Variants in LRP2 observed in about 807,000 individuals in gnomAD.
LRP2 encodes low-density lipoprotein receptor-related protein 2.
A neutral mutation model predicts 531.0 loss-of-function variants in LRP2; 172 were observed. The ratio of observed to expected loss-of-function variants is 0.32; its 90% CI spans 0.29 to 0.37. LRP2 has a LOEUF of 0.37. LRP2 is among the 10% of genes least tolerant of loss of function. The pLI is 1.00. For synonymous variants in LRP2, 1,992 were observed against 2,027.6 expected, an observed-to-expected ratio of 0.98 and a Z score of 0.47; for missense variants, 5,167 against 5,868.3, an observed-to-expected ratio of 0.88 and a Z score of 3.90.
At chr2:169,133,056 A>G (rs996469042) in intron 76 of LRP2, among the ~76,000 whole-genome samples, 2 of 152,254 alleles carry the variant, frequency 1.3e-5, no homozygotes, top group Non-Finnish European at 2.9e-5. Flanking sequence ...CTAGAAGAAC[A>G]GCAAGAATAA....
intron 28 of LRP2, among the ~76,000 whole-genome samples, chr2:169,236,874 G>C (rs1689624547): frequency 6.6e-6 from 1 of 152,084 alleles, no homozygotes; most frequent in Non-Finnish European, 1.5e-5. Context: ...ATAAATCAAT[G>C]TGCTCTTAAA....
At chr2:169,353,781 A>G (rs2105580172) in intron 1 of LRP2, among the ~76,000 whole-genome samples, 1 of 152,320 alleles carries the variant, frequency 6.6e-6, no homozygotes, top group East Asian at 1.9e-4. Context: ...ACTTGAGCTC[A>G]GGGGTTTGAG....
At chr2:169,318,618 G>A in intron 3 of LRP2, 144 bp downstream of exon 3, 3 of 1,111,708 alleles carry the variant, frequency 2.7e-6, no homozygotes, top group Non-Finnish European at 4.0e-6. Context: ...ACCCCTGAAT[G>A]AGATTGCTGG....
chr2:169,201,197 A>C (rs1361383647), intron 44 of LRP2, among the ~76,000 whole-genome samples: 1 of 152,250 alleles, frequency 6.6e-6, no homozygotes, highest in African/African-American at 2.4e-5. Context: ...TGTGGCATAA[A>C]AGAGATTGAA....
In LRP2 at chr2:169,150,910, T is replaced by C; in HGVS notation, c.12578A>G (p.Asn4193Ser). 3.1e-6 allele frequency: 5 copies of C among 1,614,086 alleles called. No individual in the cohort carries two copies. The highest frequency in any genetic ancestry group is 4.2e-6 in the Non-Finnish European group (5 of 1,179,940). ...TCCAAGTACTTACCCTAGTTTGGGA[T>C]TCACAGCAATAGCAGCTGGTTGGTC... ...DLDQPAAIAV[N>S]PKLGLMFWTD... Residue 4193 changes from asparagine (N) to serine (S), a missense_variant, in exon 68 of 79, where the codon AAT (asparagine) becomes AGT (serine). Asn to Ser is a conservative substitution (Grantham distance 46). Coordinates refer to ENST00000649046, the MANE Select transcript of LRP2 (RefSeq NM_004525.3).
intron 18 of LRP2, 55 bp downstream of exon 18, chr2:169,257,069 T>C (rs1690332334): frequency 6.2e-7 from 1 of 1,605,864 alleles, no homozygotes; most frequent in Non-Finnish European, 8.5e-7. Flanking sequence ...CCTGCCTCAT[T>C]ATGTGTTCTG....
intron 1 of LRP2, among the ~76,000 whole-genome samples, chr2:169,347,137 C>T (rs1227992361): frequency 6.6e-6 from 1 of 152,208 alleles, no homozygotes; most frequent in Non-Finnish European, 1.5e-5. Context: ...GAACCTTGCT[C>T]TGACAAACAT....
chr2:169,157,379 G>C lies in LRP2; in HGVS notation c.12011C>G (p.Ser4004Cys). 6.2e-7 allele frequency: 1 copy of C among 1,613,208 alleles called. No homozygotes were observed. Among genetic ancestry groups the C allele is most frequent in the Non-Finnish European group, 8.5e-7 (1 of 1,179,450 alleles). The change falls in exon 64 of 79, where the codon TCC (serine) becomes TGC (cysteine). Residue 4004 changes from serine to cysteine, a missense_variant. Physicochemically the swap from Ser to Cys is moderately radical, Grantham distance 112 (BLOSUM62 -1). This residue lies in a region of LRP2 where 564 missense variants were observed against 747.7 expected (regional missense o/e 0.75). Transcript: ENST00000649046. ...GAAAAAATATACTCTACCTAGACAG[G>C]AGGTTCTGTCAAAAACATTGGTTTC... ...GFETNVFDRTSCLDINECEQF... is the reference protein window; with the variant it reads ...GFETNVFDRTCCLDINECEQF...
intron 4 of LRP2, among the ~76,000 whole-genome samples, chr2:169,299,125 A>T: frequency 9.6e-6 from 1 of 103,914 alleles, no homozygotes; most frequent in Non-Finnish European, 2.1e-5. Context: ...GAAAGAAAGA[A>T]AGAAAGAAAG....
chr2:169,211,411 G>A (rs975884649), intron 37 of LRP2, among the ~76,000 whole-genome samples: 3 of 152,172 alleles, frequency 2.0e-5, no homozygotes, highest in African/African-American at 7.2e-5. Context: ...ACAAAGTGCT[G>A]CAAAAATATG....
intron 1 of LRP2, among the ~76,000 whole-genome samples, chr2:169,338,243 G>A (rs1685459157): frequency 7.1e-6 from 1 of 140,086 alleles, no homozygotes; most frequent in African/African-American, 2.7e-5. Flanking sequence ...GGAAGGGAAG[G>A]GAAGGGAGAA....
chr2:169,273,557 C>T (rs369898929), intron 14 of LRP2, among the ~76,000 whole-genome samples: 2 of 152,276 alleles, frequency 1.3e-5, no homozygotes. Flanking sequence ...ACTTGCCCAA[C>T]ATTATTCAGC....
chr2:169,351,210 G>C (rs13003297), intron 1 of LRP2, among the ~76,000 whole-genome samples: 38,044 of 152,110 alleles, frequency 0.25, 5,405 homozygotes, highest in Non-Finnish European at 0.32. Context: ...CAACATGGAA[G>C]TCATGAGTGA....
chr2:169,206,960 A>G lies in LRP2; in HGVS notation c.6760T>C (p.Ser2254Pro). 1 of 1,614,242 alleles carries G rather than the reference A, an allele frequency of 6.2e-7. No homozygotes were observed. The highest frequency in any genetic ancestry group is 8.5e-7 in the Non-Finnish European group (1 of 1,180,048). The change falls in exon 39 of 79, where the codon TCT (serine) becomes CCT (proline). Residue 2254 changes from serine (S) to proline (P), a missense_variant. Ser to Pro is a moderately conservative substitution (Grantham distance 74, BLOSUM62 -1). Around this residue, in one of 6 missense-constraint regions of LRP2, gnomAD observed 2,811 missense variants for 3,058.0 expected, o/e 0.92. Coordinates refer to ENST00000649046, the MANE Select transcript of LRP2 (RefSeq NM_004525.3). ...CGAATCCTTGCAATTATATCTAAAG[A>G]ATCATCAACCCAATAAACGTAGCCA... Reference protein sequence around the residue: ...SDGYVYWVDDSLDIIARIRIN... With the variant: ...SDGYVYWVDDPLDIIARIRIN...
chr2:169,127,177 T>C lies in LRP2; in HGVS notation c.*1486A>G, dbSNP rs1176446905. The C allele has an allele frequency of 1.3e-5, 2 of 152,644 alleles. No individual in the cohort carries two copies. The highest frequency in any genetic ancestry group is 2.1e-4 in the South Asian group (1 of 4,830). The allele number at this position is 152,644 out of a possible 1,614,324, so 9.5% of individuals were successfully genotyped here. ...TTTCCAGTTGTTTATCTAATCAAAG[T>C]AATTACAGTCAGCACTCAAAATATC... On this transcript the variant is annotated 3_prime_UTR_variant, in exon 79 of 79. Coordinates refer to ENST00000649046, the MANE Select transcript of LRP2 (RefSeq NM_004525.3).
chr2:169,204,683 C>T (rs1368673166), intron 41 of LRP2, among the ~76,000 whole-genome samples: 3 of 152,108 alleles, frequency 2.0e-5, no homozygotes, highest in African/African-American at 4.8e-5. Context: ...CTAGAATAAT[C>T]CAAGCTTAGA....
At chr2:169,274,869 A>G (rs1459976460) in intron 14 of LRP2, among the ~76,000 whole-genome samples, 167 bp downstream of exon 14, 6 of 152,120 alleles carry the variant, frequency 3.9e-5, no homozygotes, top group Non-Finnish European at 7.4e-5. Flanking sequence ...AATGCTCCTA[A>G]CCTGCAGAAC....
At position 169,233,271 on chromosome 2, in the gene LRP2, T is replaced by C. The variant is rs1689477844; in HGVS notation, c.5098+140A>G. 19 of 867,596 alleles carry C rather than the reference T, an allele frequency of 2.2e-5. No homozygotes were observed. The South Asian group carries it at 2.4e-4, about 11-fold the overall frequency. 53.7% of individuals were successfully genotyped at this position (867,596 alleles called of 1,614,324 possible). A position where few individuals can be genotyped will look rare whatever the true frequency, so the allele number is the denominator to read the frequency against. Reference sequence around the variant, plus strand: ...ATGGCAATGTCAGGACTAGGGAAAGTATATAGTGGGGTGGTTTGTAAAGAG... The same window carrying C: ...ATGGCAATGTCAGGACTAGGGAAAGCATATAGTGGGGTGGTTTGTAAAGAG... On this transcript the variant is annotated intron_variant, in intron 30 of 78. Coordinates refer to ENST00000649046, the MANE Select transcript of LRP2 (RefSeq NM_004525.3).
In LRP2 at chr2:169,246,709, T is replaced by A. The variant is rs1690019100; in HGVS notation, c.3186A>T (p.Thr1062=). Residue 1062 remains threonine, a synonymous_variant, in exon 21 of 79, where the codon ACA becomes ACT. Coordinates refer to ENST00000649046, the MANE Select transcript of LRP2 (RefSeq NM_004525.3). ...CGCCAGTGCATAGCTACTTACTAAG[T>A]GTGCCACATAGTTGCTCATCACTGT... ...HDNSDEQLCG[T]LNNTCSSSAF... The A allele has an allele frequency of 1.2e-6, 2 of 1,614,240 alleles. No individual in the cohort carries two copies.
Sources: allele counts gnomAD v4.1 joint callset (sites outside exome capture counted in the v4.1 genomes callset), GRCh38; gene constraint gnomAD v4.1.1; regional missense constraint gnomAD v4.1.1; transcripts MANE v1.5; gene names NCBI Gene and HGNC (gene_info 2026-07-23, HGNC 2026-07-21).